Variants in FHOD3 observed in about 807,000 individuals in gnomAD.
The protein encoded by FHOD3 is FH1/FH2 domain-containing protein 3.
FHOD3 carries 90 observed loss-of-function variants against 173.0 expected under a neutral mutation model. That is an observed-to-expected ratio of 0.52 (90% CI 0.44 to 0.62). FHOD3 has a LOEUF of 0.62. FHOD3 is among the 20% of genes least tolerant of loss of function. FHOD3 has a pLI of 0.00. For missense variants in FHOD3, 1,945 were observed against 2,034.7 expected (o/e 0.96, Z 0.85); for synonymous variants, 828 against 823.0 (o/e 1.01, Z -0.10).
chr18:36,673,833 G>C (rs1252787540), intron 14 of FHOD3, among the ~76,000 whole-genome samples: 1 of 152,054 alleles, frequency 6.6e-6, no homozygotes, highest in Admixed American at 6.5e-5. Context: ...AGATACATAT[G>C]TCAGAGGGAT....
At position 36,744,118 on chromosome 18, in the gene FHOD3, C is replaced by T. The variant is rs763018802; in HGVS notation, c.3966C>T (p.Cys1322=). 1.9e-6 allele frequency: 3 copies of T among 1,614,112 alleles called. No homozygotes were observed. The East Asian group carries it at 6.7e-5, about 36-fold the overall frequency. Residue 1322 remains cysteine, a synonymous_variant, in exon 23 of 29, where the codon TGC becomes TGT. Coordinates refer to ENST00000590592, the MANE Select transcript of FHOD3 (RefSeq NM_001281740.3). ...VHKQSLLHHV[C]TMVVENFPDS... ...AGCAGTCGCTTCTCCACCATGTGTG[C>T]ACCATGGTGGTAGAAAACTTCCCAG...
chr18:36,512,606 A>G, intron 5 of FHOD3, 63 bp downstream of exon 5: 1 of 1,210,190 alleles, frequency 8.3e-7, no homozygotes, highest in Non-Finnish European at 1.2e-6. Context: ...GTTCACCTTC[A>G]GGAACTTAAC....
At chr18:36,706,178 A>G (rs1385372237) in intron 17 of FHOD3, among the ~76,000 whole-genome samples, 2 of 152,252 alleles carry the variant, frequency 1.3e-5, no homozygotes, top group East Asian at 3.9e-4. Flanking sequence ...GAGGAAGGCA[A>G]GGTCTTGGCC....
At chr18:36,373,442 AC>A (rs1402698973) in intron 3 of FHOD3, among the ~76,000 whole-genome samples, 1 of 94 alleles carries the variant, frequency 0.011, no homozygotes, top group Admixed American at 0.1. Flanking sequence ...CCTAGTCTAT[AC>A]CCGAAAACAT....
chr18:36,509,213 GC>G (rs1287335384), intron 4 of FHOD3, among the ~76,000 whole-genome samples: 1 of 152,100 alleles, frequency 6.6e-6, no homozygotes, highest in African/African-American at 2.4e-5. Context: ...TCAACTAACT[GC>G]CATGTATGAG....
chr18:36,378,596 CAAAAAA>C (rs764259858), intron 3 of FHOD3, among the ~76,000 whole-genome samples: 2 of 111,390 alleles, frequency 1.8e-5, no homozygotes, highest in Admixed American at 2.0e-4. Flanking sequence ...CCCTCTGCCA[CAAAAAA>C]AAAAAAAAAA....
At chr18:36,559,087 C>G (rs148432016) in intron 5 of FHOD3, among the ~76,000 whole-genome samples, 1 of 152,210 alleles carries the variant, frequency 6.6e-6, no homozygotes, top group African/African-American at 2.4e-5. Flanking sequence ...CTTCTCTCTC[C>G]TGACGTTCTC....
At chr18:36,341,081 A>G (rs2045593287) in intron 1 of FHOD3, among the ~76,000 whole-genome samples, 1 of 152,130 alleles carries the variant, frequency 6.6e-6, no homozygotes, top group African/African-American at 2.4e-5. Context: ...TTCAGTTGCT[A>G]CTAATTGTGT....
At chr18:36,353,601 A>T (rs2046232219) in intron 1 of FHOD3, among the ~76,000 whole-genome samples, 1 of 152,238 alleles carries the variant, frequency 6.6e-6, no homozygotes, top group African/African-American at 2.4e-5. Flanking sequence ...TAACTCAGCA[A>T]GAAGATGAAT....
At chr18:36,628,808 G>A (rs1185792241) in intron 10 of FHOD3, among the ~76,000 whole-genome samples, 2 of 152,144 alleles carry the variant, frequency 1.3e-5, no homozygotes, top group Admixed American at 1.3e-4. Context: ...CCAGGCATGG[G>A]TGCTCTTTCT....
intron 17 of FHOD3, among the ~76,000 whole-genome samples, chr18:36,694,609 T>C (rs1291654197): frequency 6.6e-6 from 1 of 152,200 alleles, no homozygotes; most frequent in Non-Finnish European, 1.5e-5. Context: ...ATCTACGTTG[T>C]GGTATTTCCA....
At chr18:36,370,623 G>A (rs2047134619) in intron 2 of FHOD3, among the ~76,000 whole-genome samples, 1 of 152,128 alleles carries the variant, frequency 6.6e-6, no homozygotes, top group Admixed American at 6.5e-5. Flanking sequence ...CCAGAACTTG[G>A]GGGCATTCTG....
intron 3 of FHOD3, among the ~76,000 whole-genome samples, chr18:36,417,703 C>T (rs2147011735): frequency 6.6e-6 from 1 of 152,282 alleles, no homozygotes; most frequent in African/African-American, 2.4e-5. Context: ...TGATATTGCT[C>T]TTCCATATAT....
chr18:36,412,657 AT>A (rs2049415742), intron 3 of FHOD3, among the ~76,000 whole-genome samples: 4 of 152,228 alleles, frequency 2.6e-5, no homozygotes, highest in African/African-American at 9.6e-5. Context: ...TCTTAAAGCC[AT>A]TTTATAAAAG....
chr18:36,779,385 C>G (rs1285814028), intron 28 of FHOD3, 63 bp from the exon 29 acceptor site: 3 of 1,505,812 alleles, frequency 2.0e-6, no homozygotes, highest in Non-Finnish European at 2.8e-6. Context: ...CTGCCCTGTG[C>G]CTTGCTGCTC....
chr18:36,737,046 C>A (rs559902170), intron 20 of FHOD3, among the ~76,000 whole-genome samples: 1 of 152,350 alleles, frequency 6.6e-6, no homozygotes. Flanking sequence ...CAAGGGCCAT[C>A]AGCTCATAGG....
intron 3 of FHOD3, among the ~76,000 whole-genome samples, chr18:36,404,809 G>A (rs1382322585): frequency 1.3e-5 from 2 of 152,176 alleles, no homozygotes; most frequent in Non-Finnish European, 2.9e-5. Context: ...TTCTTATGGT[G>A]TGACTATGAG....
chr18:36,509,550 A>T lies in FHOD3; in HGVS notation c.406-2888A>T, dbSNP rs542568475. On this transcript the variant is annotated intron_variant, in intron 4 of 28. Coordinates refer to ENST00000590592, the MANE Select transcript of FHOD3 (RefSeq NM_001281740.3). ...TTTGTGAGTGCATATTTTTAAGAAG[A>T]GTTCCTGTAGTTTAGAGATACATAT... 9.2e-5 allele frequency among the ~76,000 whole-genome samples: 14 copies of T among 152,236 alleles called. No homozygotes were observed. In the South Asian group the frequency reaches 2.1e-3, roughly 23 times the overall value.
chr18:36,442,074 A>G (rs1017016476), intron 3 of FHOD3, among the ~76,000 whole-genome samples: 1 of 152,216 alleles, frequency 6.6e-6, no homozygotes, highest in Non-Finnish European at 1.5e-5. Flanking sequence ...TAGAAGTGTC[A>G]TTGCCAAAGA....
Sources: gnomAD v4.1 joint callset for allele counts (sites outside exome capture counted in the v4.1 genomes callset) on GRCh38, gnomAD v4.1.1 for gene constraint, MANE v1.5 for transcripts, NCBI Gene and HGNC (gene_info 2026-07-23, HGNC 2026-07-21) for gene names.